The following MLIP variants were observed in gnomAD, a reference collection of about 807,000 sequenced individuals.
MLIP encodes muscular LMNA interacting protein.
A neutral mutation model predicts 84.8 loss-of-function variants in MLIP; 79 were observed. The observed-to-expected ratio is 0.93, with a 90% CI of 0.78 to 1.12. The LOEUF is 1.12. Ranked by LOEUF, MLIP falls within the 50% of genes most tolerant of loss-of-function variation. MLIP has a pLI of 0.00. For synonymous variants in MLIP, 504 were observed against 463.0 expected, an observed-to-expected ratio of 1.09 and a Z score of -1.14; for missense variants, 1,257 against 1,160.6, an observed-to-expected ratio of 1.08 and a Z score of -1.21.
intron 1 of MLIP, among the ~76,000 whole-genome samples, chr6:54,032,091 C>G (rs1764173137): frequency 6.6e-6 from 1 of 152,094 alleles, no homozygotes; most frequent in African/African-American, 2.4e-5. Flanking sequence ...GAAAGTGGAA[C>G]AGGAGAGTTC....
intron 5 of MLIP, among the ~76,000 whole-genome samples, chr6:54,157,822 AT>A: frequency 6.6e-6 from 1 of 152,132 alleles, no homozygotes; most frequent in Non-Finnish European, 1.5e-5. Flanking sequence ...ATTAATCATA[AT>A]TTTAAAGAAT....
intron 4 of MLIP, among the ~76,000 whole-genome samples, chr6:54,144,425 C>T (rs1356051788): frequency 1.3e-5 from 2 of 152,164 alleles, no homozygotes; most frequent in Non-Finnish European, 2.9e-5. Context: ...TTTTTGGCAC[C>T]AGGGACCAGT....
intron 1 of MLIP, among the ~76,000 whole-genome samples, chr6:54,085,774 C>A (rs946458065): frequency 6.6e-6 from 1 of 152,144 alleles, no homozygotes; most frequent in Non-Finnish European, 1.5e-5. Flanking sequence ...CATCTATTCA[C>A]GCTCATTTTC....
At chr6:54,048,893 C>G (rs1765221040) in intron 1 of MLIP, among the ~76,000 whole-genome samples, 1 of 152,084 alleles carries the variant, frequency 6.6e-6, no homozygotes, top group African/African-American at 2.4e-5. Flanking sequence ...TGTTTGCAAC[C>G]TACTCCTCAA....
rs376881827 is a variant in MLIP at position 54,026,900 on chromosome 6, G to T, written c.63+7809G>T. Among the ~76,000 whole-genome samples the T allele has an allele frequency of 3.3e-5, 5 of 152,206 alleles. No homozygotes were observed. The South Asian group carries it at 8.3e-4, about 25-fold the overall frequency. On this transcript the variant is annotated intron_variant, in intron 1 of 12. Coordinates refer to the MLIP transcript ENST00000274897. ...GCTTTGACAAATCACTTAACCTTTGGCTTCTTTATCTACAAAGTGAAAGGT... is the reference window on the plus strand; with the variant it reads ...GCTTTGACAAATCACTTAACCTTTGTCTTCTTTATCTACAAAGTGAAAGGT...
At chr6:54,167,046 C>T (rs893247966) in intron 8 of MLIP, among the ~76,000 whole-genome samples, 9 of 151,980 alleles carry the variant, frequency 5.9e-5, no homozygotes, top group Admixed American at 2.0e-4. Context: ...CAGAATATGT[C>T]GACTATGATT....
At chr6:54,260,783 CT>C (rs1376812010) in intron 13 of MLIP, among the ~76,000 whole-genome samples, 61 of 151,998 alleles carry the variant, frequency 4.0e-4, no homozygotes, top group African/African-American at 1.3e-3. Context: ...AAATTTAATA[CT>C]TTATTTTTGT....
intron 10 of MLIP, among the ~76,000 whole-genome samples, chr6:54,191,871 A>G (rs548000469): frequency 2.0e-4 from 30 of 152,114 alleles, no homozygotes; most frequent in South Asian, 4.1e-4. Flanking sequence ...CACTCAGTAT[A>G]GTATATAAAA....
chr6:54,064,532 C>T (rs963917178), intron 1 of MLIP, among the ~76,000 whole-genome samples: 2 of 99,646 alleles, frequency 2.0e-5, no homozygotes, highest in African/African-American at 5.1e-5. Context: ...GCACCCCTGC[C>T]GTGGGAATCA....
At chr6:54,218,137 A>G in intron 11 of MLIP, 1 of 282,510 alleles carries the variant, frequency 3.5e-6, no homozygotes, top group Non-Finnish European at 5.3e-6. Flanking sequence ...ATGTTTTGAG[A>G]AATGCATCAT....
At chr6:54,027,098 A>G (rs1377259204) in intron 1 of MLIP, among the ~76,000 whole-genome samples, 1 of 152,174 alleles carries the variant, frequency 6.6e-6, no homozygotes, top group Non-Finnish European at 1.5e-5. Context: ...TCAAATGTAA[A>G]ACAGAAGTCC....
intron 1 of MLIP, among the ~76,000 whole-genome samples, chr6:54,120,586 T>G (rs1770364770): frequency 6.6e-6 from 1 of 152,202 alleles, no homozygotes. Flanking sequence ...AATTCTAATA[T>G]GACTATGTCA....
At position 54,066,686 on chromosome 6, in the gene MLIP, GAGAAAT is replaced by G. The variant is rs1162732574; in HGVS notation, c.63+47599_63+47604del. On this transcript the variant is annotated intron_variant, in intron 1 of 12. Transcript: ENST00000274897. ...GTTACTCTCAGCATTATATTATAATGAGAAATAGATTGGTTTTGCAGGTGATTTGTT... is the reference window on the plus strand; with the variant it reads ...GTTACTCTCAGCATTATATTATAATGAGATTGGTTTTGCAGGTGATTTGTT... Among the ~76,000 whole-genome samples the G allele has an allele frequency of 1.1e-4, 11 of 100,116 alleles. 2 individuals carry two copies. The highest frequency in any genetic ancestry group is 6.5e-4 in the Admixed American group (7 of 10,798). The allele number at this position is 100,116 out of a possible 152,430, so 65.7% of individuals were successfully genotyped here. A position where few individuals can be genotyped will look rare whatever the true frequency, so the allele number is the denominator to read the frequency against.
intron 13 of MLIP, among the ~76,000 whole-genome samples, chr6:54,260,204 A>T (rs1783290148): frequency 6.6e-6 from 1 of 151,930 alleles, no homozygotes; most frequent in South Asian, 2.1e-4. Flanking sequence ...CAGATGTTAG[A>T]TATATCAGAT....
At chr6:54,185,362 T>A (rs894609041) in intron 9 of MLIP, among the ~76,000 whole-genome samples, 2 of 152,200 alleles carry the variant, frequency 1.3e-5, no homozygotes, top group Admixed American at 6.5e-5. Context: ...CTCTGGGAAG[T>A]TTCTGATAGC....
At chr6:54,237,654 T>C (rs549202138) in intron 12 of MLIP, among the ~76,000 whole-genome samples, 3 of 144,064 alleles carry the variant, frequency 2.1e-5, no homozygotes, top group African/African-American at 7.9e-5. Context: ...GAGACCAGCC[T>C]GGACGACATA....
intron 1 of MLIP, among the ~76,000 whole-genome samples, chr6:54,053,137 A>C (rs976998153): frequency 4.6e-5 from 7 of 152,228 alleles, no homozygotes; most frequent in Non-Finnish European, 1.0e-4. Context: ...ACACAGAACT[A>C]GAAAATGGCA....
intron 5 of MLIP, among the ~76,000 whole-genome samples, chr6:54,156,822 T>C (rs192119846): frequency 6.6e-4 from 100 of 152,230 alleles, no homozygotes; most frequent in African/African-American, 2.3e-3. Context: ...TTCTGTAGTC[T>C]AATAGGACAA....
At chr6:54,172,732 A>C (rs552659256) in intron 9 of MLIP, among the ~76,000 whole-genome samples, 1 of 151,498 alleles carries the variant, frequency 6.6e-6, no homozygotes, top group South Asian at 2.1e-4. Context: ...AAAAATAAAC[A>C]AAGAAAATCA....
Sources: allele counts gnomAD v4.1 joint callset (sites outside exome capture counted in the v4.1 genomes callset), GRCh38; gene constraint gnomAD v4.1.1; transcripts MANE v1.5; gene names NCBI Gene and HGNC (gene_info 2026-07-23, HGNC 2026-07-21).